Variants in OSBPL6 observed in about 807,000 individuals in gnomAD.
OSBPL6 encodes the protein oxysterol-binding protein-related protein 6.
OSBPL6 carries 49 observed loss-of-function variants against 125.8 expected under a neutral mutation model. The ratio of observed to expected loss-of-function variants is 0.39; its 90% confidence interval spans 0.31 to 0.49. The LOEUF (loss-of-function observed/expected upper bound fraction) is 0.49. Among genes scored for constraint, OSBPL6 ranks in the 20% least tolerant of loss-of-function variants. The pLI, the probability that OSBPL6 is intolerant of heterozygous loss-of-function variation, is 0.88. For missense variants in OSBPL6, 986 were observed against 1,135.4 expected, an observed-to-expected ratio of 0.87 and a Z score of 1.89; for synonymous variants, 394 against 391.8, an observed-to-expected ratio of 1.01 and a Z score of -0.07.
chr2:178,235,143 A>G (rs2153984263), intron 1 of OSBPL6, among the ~76,000 whole-genome samples: 1 of 152,312 alleles, frequency 6.6e-6, no homozygotes, highest in South Asian at 2.1e-4. Flanking sequence ...AACAGTATGC[A>G]GTAGAATATA....
chr2:178,290,226 A>G (rs1574766851), intron 2 of OSBPL6, among the ~76,000 whole-genome samples: 1 of 152,150 alleles, frequency 6.6e-6, no homozygotes, highest in Non-Finnish European at 1.5e-5. Context: ...TGGCCCTGAA[A>G]TACAGTTCAT....
chr2:178,195,814 T>G (rs1207110454), intron 1 of OSBPL6, among the ~76,000 whole-genome samples: 1 of 152,236 alleles, frequency 6.6e-6, no homozygotes. Context: ...TGATTTTTTT[T>G]TTCTAAATAA....
intron 1 of OSBPL6, among the ~76,000 whole-genome samples, chr2:178,195,095 C>T (rs2088792135): frequency 6.6e-6 from 1 of 152,148 alleles, no homozygotes. Context: ...AGCGGAAAAC[C>T]GAACCGGCGC....
At chr2:178,331,824 T>C (rs1453619743) in intron 6 of OSBPL6, among the ~76,000 whole-genome samples, 1 of 152,160 alleles carries the variant, frequency 6.6e-6, no homozygotes, top group East Asian at 1.9e-4. Context: ...AACAGAAGCT[T>C]AAACCTTAAA....
intron 1 of OSBPL6, among the ~76,000 whole-genome samples, chr2:178,238,698 G>A (rs943156802): frequency 2.0e-5 from 3 of 152,142 alleles, no homozygotes; most frequent in African/African-American, 7.2e-5. Context: ...GACAGAAAAG[G>A]CATTAAGGTT....
intron 1 of OSBPL6, among the ~76,000 whole-genome samples, chr2:178,243,243 G>A (rs2091359863): frequency 6.6e-6 from 1 of 152,132 alleles, no homozygotes; most frequent in Admixed American, 6.6e-5. Context: ...GGGAAGCTGG[G>A]AATGACTCCT....
chr2:178,371,087 A>C (rs1285782002), intron 13 of OSBPL6, among the ~76,000 whole-genome samples: 1 of 152,248 alleles, frequency 6.6e-6, no homozygotes, highest in Non-Finnish European at 1.5e-5. Flanking sequence ...CCATTCCCTG[A>C]AGCAGATGCC....
At chr2:178,265,747 T>C (rs906731718) in intron 1 of OSBPL6, among the ~76,000 whole-genome samples, 1 of 152,166 alleles carries the variant, frequency 6.6e-6, no homozygotes, top group Admixed American at 6.5e-5. Flanking sequence ...CTTCGTAAAC[T>C]TTTTTATTTT....
rs907529899 is a variant in OSBPL6, at chr2:178,397,192, C to T, written c.*1633C>T. The T allele has an allele frequency of 1.3e-5, 2 of 152,162 alleles. No individual in the cohort carries two copies. The highest frequency in any genetic ancestry group is 2.9e-5 in the Non-Finnish European group (2 of 68,032). The allele number at this position is 152,162 out of a possible 1,614,324, so 9.4% of individuals were successfully genotyped here. On this transcript the variant is annotated 3_prime_UTR_variant, in exon 25 of 25. Coordinates refer to ENST00000190611, the MANE Select transcript of OSBPL6 (RefSeq NM_032523.4). Reference sequence around the variant, plus strand: ...ATGAGAGTGTAAGAGAAAGCGCTAACGTTTCCACTAGATGGCGCAATATTT... The same window carrying T: ...ATGAGAGTGTAAGAGAAAGCGCTAATGTTTCCACTAGATGGCGCAATATTT...
chr2:178,284,111 G>A (rs1684472875), intron 1 of OSBPL6, among the ~76,000 whole-genome samples: 1 of 152,128 alleles, frequency 6.6e-6, no homozygotes, highest in African/African-American at 2.4e-5. Flanking sequence ...TATAGAGTCT[G>A]TTCTTCTTGC....
At chr2:178,284,213 C>T (rs1221362157) in intron 1 of OSBPL6, among the ~76,000 whole-genome samples, 3 of 152,014 alleles carry the variant, frequency 2.0e-5, no homozygotes, top group African/African-American at 7.3e-5. Context: ...AGAGATTGTA[C>T]ATCTATGTGC....
At chr2:178,366,128 G>A (rs1026450860) in intron 13 of OSBPL6, among the ~76,000 whole-genome samples, 1 of 152,166 alleles carries the variant, frequency 6.6e-6, no homozygotes, top group Non-Finnish European at 1.5e-5. Context: ...GTGGCCTCAA[G>A]TAATCCTCCC....
intron 1 of OSBPL6, among the ~76,000 whole-genome samples, chr2:178,262,368 A>G (rs1288381115): frequency 1.3e-5 from 2 of 152,204 alleles, no homozygotes; most frequent in Non-Finnish European, 2.9e-5. Context: ...TAAATTTTCC[A>G]TAATATGTAT....
At chr2:178,347,797 C>G (rs538182721) in intron 11 of OSBPL6, among the ~76,000 whole-genome samples, 1 of 152,224 alleles carries the variant, frequency 6.6e-6, no homozygotes, top group South Asian at 2.1e-4. Flanking sequence ...CCAGTGTAGC[C>G]AAGTTCTCCA....
chr2:178,398,003 G>C lies in OSBPL6; in HGVS notation c.*2444G>C, dbSNP rs1028131105. 2 of 152,196 alleles carry C rather than the reference G, an allele frequency of 1.3e-5. No individual in the cohort carries two copies. Among genetic ancestry groups the C allele is most frequent in the African/African-American group, 2.4e-5 (1 of 41,448 alleles). The allele number at this position is 152,196 out of a possible 1,614,324, so 9.4% of individuals were successfully genotyped here. A position where few individuals can be genotyped will look rare whatever the true frequency, so the allele number is the denominator to read the frequency against. On this transcript the variant is annotated 3_prime_UTR_variant, in exon 25 of 25. Transcript: ENST00000190611. ...CTGATTATTCCAATTCAAGTGTTCA[G>C]TTAAGTTTTAGTTACTATTCCTATA... is the stretch of plus-strand genomic sequence containing the variant.
intron 5 of OSBPL6, among the ~76,000 whole-genome samples, chr2:178,329,627 A>G (rs1279548029): frequency 1.3e-5 from 2 of 152,122 alleles, no homozygotes; most frequent in African/African-American, 4.8e-5. Flanking sequence ...GGGTTTCACC[A>G]TATCGGCCAG....
At chr2:178,360,296 T>C (rs2154097838) in intron 12 of OSBPL6, among the ~76,000 whole-genome samples, 1 of 152,310 alleles carries the variant, frequency 6.6e-6, no homozygotes, top group Admixed American at 6.5e-5. Context: ...ATTGTGAAGA[T>C]TATAGTTAAT....
rs371579322 is a variant in OSBPL6 at position 178,383,301 on chromosome 2, C to T, written c.1875+24C>T. ...TGGTAATAAATAACTAACAGAGCAGCGCCCCTCAGGGATTTGCCAACCCTA... is the reference window on the plus strand; with the variant it reads ...TGGTAATAAATAACTAACAGAGCAGTGCCCCTCAGGGATTTGCCAACCCTA... On this transcript the variant is annotated intron_variant, in intron 17 of 24. Transcript: ENST00000190611. 2.4e-5 allele frequency: 39 copies of T among 1,607,560 alleles called. No homozygotes were observed. In the African/African-American group the frequency reaches 3.3e-4, roughly 14 times the overall value.
At chr2:178,251,692 A>G (rs1367523333) in intron 1 of OSBPL6, among the ~76,000 whole-genome samples, 1 of 152,228 alleles carries the variant, frequency 6.6e-6, no homozygotes, top group Non-Finnish European at 1.5e-5. Context: ...TGCCTAAAGC[A>G]GTGAAGCCAC....
Sources: allele counts gnomAD v4.1 joint callset (sites outside exome capture counted in the v4.1 genomes callset), GRCh38; gene constraint gnomAD v4.1.1; transcripts MANE v1.5; gene names NCBI Gene and HGNC (gene_info 2026-07-23, HGNC 2026-07-21).